The following RAI1 variants were observed in gnomAD, a reference collection of about 807,000 sequenced individuals.
The protein encoded by RAI1 is retinoic acid induced 1.
In RAI1, 9 loss-of-function variants were observed where a neutral mutation model predicts 123.8. The observed-to-expected ratio is 0.07, with a 90% CI of 0.04 to 0.13. The LOEUF is 0.13. RAI1 is among the 10% of genes least tolerant of loss of function. RAI1 has a pLI of 1.00. For missense variants in RAI1, 2,256 were observed against 2,545.8 expected, an observed-to-expected ratio of 0.89 and a Z score of 2.45; for synonymous variants, 1,231 against 1,127.3, an observed-to-expected ratio of 1.09 and a Z score of -1.84.
chr17:17,751,364 G>C (rs2030162867), intron 2 of RAI1, among the ~76,000 whole-genome samples: 1 of 152,238 alleles, frequency 6.6e-6, no homozygotes, highest in African/African-American at 2.4e-5. Flanking sequence ...TCCTGTGTCT[G>C]CTTTGCCCCT....
chr17:17,755,350 A>G (rs2030395146), intron 2 of RAI1, among the ~76,000 whole-genome samples: 1 of 152,210 alleles, frequency 6.6e-6, no homozygotes, highest in African/African-American at 2.4e-5. Flanking sequence ...TGATGCAGAA[A>G]GGAGAGGTGT....
intron 4 of RAI1, among the ~76,000 whole-genome samples, chr17:17,807,078 G>GTTGT (rs1354979075): frequency 1.3e-5 from 2 of 152,182 alleles, no homozygotes; most frequent in African/African-American, 4.8e-5. Flanking sequence ...AAATAGCAGG[G>GTTGT]TTGTGTTCAC....
chr17:17,789,303 A>T (rs1183572160), intron 2 of RAI1, among the ~76,000 whole-genome samples: 1 of 152,168 alleles, frequency 6.6e-6, no homozygotes, highest in Non-Finnish European at 1.5e-5. Context: ...TTTTCTGTAA[A>T]GGGGGAGGAG....
intron 1 of RAI1, among the ~76,000 whole-genome samples, chr17:17,699,667 C>T (rs529858669): frequency 2.6e-5 from 4 of 151,644 alleles, no homozygotes; most frequent in Admixed American, 2.0e-4. Flanking sequence ...AGTGAGTAAT[C>T]GTTGAGTGAC....
intron 2 of RAI1, chr17:17,778,663 C>A: frequency 2.2e-6 from 1 of 453,072 alleles, no homozygotes; most frequent in Non-Finnish European, 4.5e-6. Context: ...CCTCACAGTT[C>A]ATTGGTCTGG....
intron 2 of RAI1, among the ~76,000 whole-genome samples, chr17:17,755,305 T>C (rs958554453): frequency 6.6e-6 from 1 of 152,258 alleles, no homozygotes; most frequent in African/African-American, 2.4e-5. Flanking sequence ...CTCTAGCTTC[T>C]GGCAGCTTTG....
chr17:17,701,526 C>G (rs530447915), intron 1 of RAI1, among the ~76,000 whole-genome samples: 1 of 152,122 alleles, frequency 6.6e-6, no homozygotes, highest in Non-Finnish European at 1.5e-5. Flanking sequence ...ATAGACAGAC[C>G]GCTCATGCAG....
chr17:17,750,689 CAAAAAAAAAAAAAA>C (rs57637022), intron 2 of RAI1, among the ~76,000 whole-genome samples: 2 of 79,776 alleles, frequency 2.5e-5, no homozygotes, highest in African/African-American at 5.3e-5. Context: ...TACTCCGTCT[CAAAAAAAAAAAAAA>C]AAAAAAAAAA....
intron 2 of RAI1, among the ~76,000 whole-genome samples, chr17:17,773,420 C>G (rs1406404589): frequency 6.6e-6 from 1 of 152,138 alleles, no homozygotes; most frequent in Non-Finnish European, 1.5e-5. Context: ...CGATGCCCTC[C>G]TCCATCCCTG....
chr17:17,704,779 A>C (rs1915342571), intron 1 of RAI1, among the ~76,000 whole-genome samples: 1 of 147,534 alleles, frequency 6.8e-6, no homozygotes, highest in African/African-American at 2.5e-5. Flanking sequence ...GGTGTTTGAG[A>C]TGTCCTTAGA....
chr17:17,810,057 G>A lies in RAI1; in HGVS notation c.*76G>A. 1 of 1,530,910 alleles carries A rather than the reference G, an allele frequency of 6.5e-7. No individual in the cohort carries two copies. The highest frequency in any genetic ancestry group is 1.4e-5 in the African/African-American group (1 of 72,374). 94.8% of individuals were successfully genotyped at this position (1,530,910 alleles called of 1,614,324 possible). On this transcript the variant is annotated 3_prime_UTR_variant, in exon 6 of 6. Transcript: ENST00000353383. The surrounding 1 kb of genome is among the most constrained non-coding windows in gnomAD (Gnocchi z 4.6). ...CCGCCGAAGGAGAGGAGCCGCCTGC[G>A]CAGCCCCCGGGCCTTTGAGCTGCTC...
Position 17,810,842 on chromosome 17 carries a change from C to A in RAI1, c.*861C>A, listed in dbSNP as rs2032736609. 1 of 452,700 alleles carries A rather than the reference C, an allele frequency of 2.2e-6. No homozygotes were observed. Among genetic ancestry groups the A allele is most frequent in the African/African-American group, 2.0e-5 (1 of 50,002 alleles). 28.0% of individuals were successfully genotyped at this position (452,700 alleles called of 1,614,324 possible). On this transcript the variant is annotated 3_prime_UTR_variant, in exon 6 of 6. Coordinates refer to ENST00000353383, the MANE Select transcript of RAI1 (RefSeq NM_030665.4). The surrounding 1 kb of genome is among the most constrained non-coding windows in gnomAD (Gnocchi z 4.6). ...GCGACCGTTGTGCACCACCAGGGAC[C>A]GCCGCGCCTACTCTGCACGGGAGCA...
At chr17:17,726,354 G>C (rs574085660) in intron 2 of RAI1, among the ~76,000 whole-genome samples, 2 of 152,330 alleles carry the variant, frequency 1.3e-5, no homozygotes, top group South Asian at 4.1e-4. Flanking sequence ...TGACCCATAG[G>C]TTGGACCATG....
chr17:17,711,877 G>A (rs867418701), intron 1 of RAI1, among the ~76,000 whole-genome samples: 12 of 152,356 alleles, frequency 7.9e-5, no homozygotes, highest in South Asian at 2.1e-4. Flanking sequence ...TCAACTCCCG[G>A]GACCTGTGGG....
intron 2 of RAI1, among the ~76,000 whole-genome samples, chr17:17,783,457 C>T (rs1194690553): frequency 6.6e-6 from 1 of 151,630 alleles, no homozygotes; most frequent in Non-Finnish European, 1.5e-5. Context: ...TTTTACCTGC[C>T]CCTGAGGGAG....
At chr17:17,735,146 G>A (rs947091615) in intron 2 of RAI1, among the ~76,000 whole-genome samples, 2 of 151,842 alleles carry the variant, frequency 1.3e-5, no homozygotes, top group African/African-American at 2.4e-5. Context: ...TCTGCCTCCC[G>A]GGTTCAAGCA....
chr17:17,709,961 C>T (rs973330418), intron 1 of RAI1, among the ~76,000 whole-genome samples: 11 of 152,180 alleles, frequency 7.2e-5, no homozygotes, highest in South Asian at 6.2e-4. Flanking sequence ...GCGCACCTCA[C>T]GCTCATTCAC....
In RAI1 at chr17:17,793,013, A is replaced by G; in HGVS notation, c.65A>G (p.Gln22Arg). 1 of 1,614,052 alleles carries G rather than the reference A, an allele frequency of 6.2e-7. No individual in the cohort carries two copies. Among genetic ancestry groups the G allele is most frequent in the Non-Finnish European group, 8.5e-7 (1 of 1,179,990 alleles). The change falls in exon 3 of 6, where the codon CAG becomes CGG. Residue 22 changes from glutamine to arginine, a missense_variant. Transcript: ENST00000353383. Reference sequence around the variant, plus strand: ...CAACAGAACTACCAGCAGACCTCGCAGGAAACATCACGCCTAGAGAATTAC... The same window carrying G: ...CAACAGAACTACCAGCAGACCTCGCGGGAAACATCACGCCTAGAGAATTAC... ...GKQQNYQQTS[Q>R]ETSRLENYRQ...
At chr17:17,766,570 T>C (rs2030942051) in intron 2 of RAI1, among the ~76,000 whole-genome samples, 1 of 152,172 alleles carries the variant, frequency 6.6e-6, no homozygotes, top group Admixed American at 6.5e-5. Context: ...CACTGGGGCG[T>C]GCTGGGGCCT....
Sources: gnomAD v4.1 joint callset for allele counts (sites outside exome capture counted in the v4.1 genomes callset) on GRCh38, gnomAD v4.1.1 for gene constraint, Gnocchi (gnomAD v3.1) non-coding constraint, MANE v1.5 for transcripts, NCBI Gene and HGNC (gene_info 2026-07-23, HGNC 2026-07-21) for gene names.